The following GLIPR1L2 variants were observed in gnomAD, a reference collection of about 807,000 sequenced individuals.
GLIPR1L2 encodes the protein GLIPR1 like 2.
Under a neutral mutation model 28.4 loss-of-function variants are expected in GLIPR1L2, and 21 were observed. The ratio of observed to expected loss-of-function variants is 0.74; its 90% confidence interval spans 0.52 to 1.06. The LOEUF is 1.06. Ranked by LOEUF, GLIPR1L2 falls within the 50% of genes least tolerant of loss-of-function variation. GLIPR1L2 has a pLI of 0.00. For synonymous variants in GLIPR1L2, 145 were observed against 139.3 expected, an observed-to-expected ratio of 1.04 and a Z score of -0.29; for missense variants, 476 against 416.9, an observed-to-expected ratio of 1.14 and a Z score of -1.23.
chr12:75,428,613 G>C (rs1324003816), intron 4 of GLIPR1L2, among the ~76,000 whole-genome samples: 1 of 152,122 alleles, frequency 6.6e-6, no homozygotes, highest in Non-Finnish European at 1.5e-5. Flanking sequence ...CAAGACAATG[G>C]GGAAAACGTC....
chr12:75,423,681 T>C (rs2046002747), intron 4 of GLIPR1L2: 1 of 162,734 alleles, frequency 6.1e-6, no homozygotes, highest in Non-Finnish European at 1.3e-5. Flanking sequence ...GAACCCATCA[T>C]CTACATTAGA....
At chr12:75,396,168 T>G (rs1419444758) in intron 1 of GLIPR1L2, among the ~76,000 whole-genome samples, 2 of 152,178 alleles carry the variant, frequency 1.3e-5, no homozygotes, top group East Asian at 3.9e-4. Context: ...TATTTCATTT[T>G]TTAAATTATT....
chr12:75,419,520 G>GA (rs1232522973), intron 3 of GLIPR1L2, among the ~76,000 whole-genome samples: 1 of 152,154 alleles, frequency 6.6e-6, no homozygotes, highest in African/African-American at 2.4e-5. Context: ...CTGAGAAAAT[G>GA]AAAAACGATT....
chr12:75,415,576 A>G (rs1313831644), intron 3 of GLIPR1L2, among the ~76,000 whole-genome samples: 1 of 152,112 alleles, frequency 6.6e-6, no homozygotes, highest in Non-Finnish European at 1.5e-5. Context: ...AGGGTCTCAA[A>G]GGCCAAAATC....
intron 1 of GLIPR1L2, among the ~76,000 whole-genome samples, chr12:75,409,454 C>T (rs567731564): frequency 1.3e-4 from 19 of 151,578 alleles, no homozygotes; most frequent in African/African-American, 4.6e-4. Context: ...AGCCAGGGAA[C>T]AGCATCTTAT....
At chr12:75,413,866 G>T (rs1266303878) in intron 3 of GLIPR1L2, among the ~76,000 whole-genome samples, 165 bp downstream of exon 3, 1 of 151,766 alleles carries the variant, frequency 6.6e-6, no homozygotes, top group East Asian at 1.9e-4. Flanking sequence ...TCTTAAATTG[G>T]ACATATTGAT....
chr12:75,429,896 A>G (rs1419338974), intron 4 of GLIPR1L2, among the ~76,000 whole-genome samples: 1 of 150,870 alleles, frequency 6.6e-6, no homozygotes, highest in Non-Finnish European at 1.5e-5. Flanking sequence ...GCTATGCAGA[A>G]CTATGAGTCA....
intron 1 of GLIPR1L2, among the ~76,000 whole-genome samples, chr12:75,405,084 T>A (rs1190188699): frequency 6.6e-6 from 1 of 152,220 alleles, no homozygotes; most frequent in African/African-American, 2.4e-5. Context: ...CACAGTAATT[T>A]ACTTCCTAGT....
chr12:75,391,358 C>A lies in GLIPR1L2; in HGVS notation c.234+8C>A, dbSNP rs373108981. The A allele has an allele frequency of 3.4e-5, 55 of 1,612,584 alleles. No homozygotes were observed. Among genetic ancestry groups the A allele is most frequent in the Non-Finnish European group, 4.4e-5 (52 of 1,178,674 alleles). On this transcript the variant is annotated splice_region_variant and intron_variant, in intron 1 of 5. Coordinates refer to ENST00000550916, the MANE Select transcript of GLIPR1L2 (RefSeq NM_001270396.2). Reference sequence around the variant, plus strand: ...TCTAACTTGCGCTTCATGGTGAGGCCGGAAGGCGGTTTGCCGACCCTTCCA... The same window carrying A: ...TCTAACTTGCGCTTCATGGTGAGGCAGGAAGGCGGTTTGCCGACCCTTCCA...
intron 3 of GLIPR1L2, among the ~76,000 whole-genome samples, chr12:75,421,450 A>G (rs2045975168): frequency 6.6e-6 from 1 of 152,202 alleles, no homozygotes; most frequent in South Asian, 2.1e-4. Flanking sequence ...TTTTGAATAT[A>G]TATTTCTTAG....
At chr12:75,412,103 G>T (rs1483716860) in intron 2 of GLIPR1L2, among the ~76,000 whole-genome samples, 2 of 151,920 alleles carry the variant, frequency 1.3e-5, no homozygotes, top group African/African-American at 4.8e-5. Context: ...CTCTACTCTT[G>T]TATCATTTTT....
At chr12:75,424,491 G>GAATGTGT (rs1414426521) in intron 4 of GLIPR1L2, among the ~76,000 whole-genome samples, 1 of 152,136 alleles carries the variant, frequency 6.6e-6, no homozygotes, top group Non-Finnish European at 1.5e-5. Flanking sequence ...TGTCACACAG[G>GAATGTGT]CTGGAATGCA....
At chr12:75,427,892 C>T (rs555459673) in intron 4 of GLIPR1L2, among the ~76,000 whole-genome samples, 4 of 152,338 alleles carry the variant, frequency 2.6e-5, no homozygotes, top group Non-Finnish European at 5.9e-5. Flanking sequence ...CCTCTCCAGC[C>T]ATGCAGAACT....
At chr12:75,412,363 A>G (rs907808464) in intron 2 of GLIPR1L2, among the ~76,000 whole-genome samples, 2 of 151,872 alleles carry the variant, frequency 1.3e-5, no homozygotes, top group Non-Finnish European at 2.9e-5. Flanking sequence ...TTAAACTAAA[A>G]AGCTTCTGCA....
At chr12:75,410,984 T>C (rs1480556922) in intron 2 of GLIPR1L2, among the ~76,000 whole-genome samples, 2 of 151,862 alleles carry the variant, frequency 1.3e-5, no homozygotes, top group Admixed American at 1.3e-4. Flanking sequence ...AAAAATACTT[T>C]ATAAATGATT....
chr12:75,422,404 G>A (rs866044690), intron 3 of GLIPR1L2, among the ~76,000 whole-genome samples: 21 of 149,644 alleles, frequency 1.4e-4, no homozygotes, highest in African/African-American at 2.5e-4. Flanking sequence ...CTGGGTTCAC[G>A]CCATTCTCCT....
At position 75,391,333 on chromosome 12, in the gene GLIPR1L2, T is replaced by C. The variant is rs137957961; in HGVS notation, c.217T>C (p.Ser73Pro). 52 of 1,613,856 alleles carry C rather than the reference T, an allele frequency of 3.2e-5. No individual in the cohort carries two copies. The highest frequency in any genetic ancestry group is 4.1e-5 in the Non-Finnish European group (48 of 1,179,886). Residue 73 changes from serine to proline, a missense_variant, in exon 1 of 6, where the codon TCT becomes CCT. Ser to Pro is a moderately conservative substitution (Grantham distance 74, BLOSUM62 -1). Coordinates refer to ENST00000550916, the MANE Select transcript of GLIPR1L2 (RefSeq NM_001270396.2). ...GCGGGGCGACGTCATTCCCCGAGGGTCTAACTTGCGCTTCATGGTGAGGCC... is the reference window on the plus strand; with the variant it reads ...GCGGGGCGACGTCATTCCCCGAGGGCCTAACTTGCGCTTCATGGTGAGGCC... ...ELRGDVIPRG[S>P]NLRFMTWDVA...
intron 2 of GLIPR1L2, among the ~76,000 whole-genome samples, chr12:75,412,077 A>G: frequency 6.6e-6 from 1 of 151,990 alleles, no homozygotes; most frequent in East Asian, 1.9e-4. Context: ...AGAAATGCCA[A>G]TAGCATTCAA....
At chr12:75,419,526 C>T (rs974372186) in intron 3 of GLIPR1L2, among the ~76,000 whole-genome samples, 2 of 152,050 alleles carry the variant, frequency 1.3e-5, no homozygotes, top group African/African-American at 2.4e-5. Context: ...AAATGAAAAA[C>T]GATTGACTAA....
Sources: gnomAD v4.1 joint callset for allele counts (sites outside exome capture counted in the v4.1 genomes callset) on GRCh38, gnomAD v4.1.1 for gene constraint, MANE v1.5 for transcripts, NCBI Gene and HGNC (gene_info 2026-07-23, HGNC 2026-07-21) for gene names.